The following LTBP4 variants were observed in gnomAD, a reference collection of about 807,000 sequenced individuals.
LTBP4 encodes the protein latent transforming growth factor beta binding protein 4.
Under a neutral mutation model 180.2 loss-of-function variants are expected in LTBP4, and 93 were observed. The ratio of observed to expected loss-of-function variants is 0.52; its 90% CI spans 0.44 to 0.61. The LOEUF (loss-of-function observed/expected upper bound fraction) is 0.61. Among genes scored for constraint, LTBP4 ranks in the 20% least tolerant of loss-of-function variants. LTBP4 has a pLI of 0.00. For synonymous variants in LTBP4, 947 were observed against 934.5 expected (o/e 1.01, Z -0.24); for missense variants, 2,116 against 2,256.5 (o/e 0.94, Z 1.26).
chr19:40,614,116 T>C, intron 18 of LTBP4, 78 bp downstream of exon 18: 2 of 1,577,908 alleles, frequency 1.3e-6, no homozygotes, highest in East Asian at 4.5e-5. Context: ...CCTCTGTCTT[T>C]CCTCCTCCGC....
rs769515386 is a variant in LTBP4, at chr19:40,608,591, A to G, written c.1414A>G (p.Ile472Val). The G allele has an allele frequency of 3.8e-6, 6 of 1,593,996 alleles. No individual in the cohort carries two copies. The Admixed American group carries it at 1.1e-4, about 28-fold the overall frequency. Residue 472 changes from isoleucine to valine, a missense_variant, in exon 9 of 30, where the codon ATT (isoleucine) becomes GTT (valine). Physicochemically the swap from Ile to Val is conservative, Grantham distance 29. This residue lies in a region of LTBP4 where 877 missense variants were observed against 873.6 expected (regional missense o/e 1.00). Transcript: ENST00000396819. ...CATCCCTGCCTGGACTGGTCCTGAGATTCCTGAATCAGGTTTGCTAGAAAG... is the reference window on the plus strand; with the variant it reads ...CATCCCTGCCTGGACTGGTCCTGAGGTTCCTGAATCAGGTTTGCTAGAAAG... ...PSIPAWTGPE[I>V]PESGPSSGMC...
At chr19:40,599,075 T>C (rs1331999578), upstream of LTBP4, 3 of 862,764 alleles carry the variant, frequency 3.5e-6, no homozygotes, top group Admixed American at 6.0e-5. Flanking sequence ...AAGAACCTCG[T>C]TAGTCATATA....
At chr19:40,593,235 A>C (rs2081375390) in intron 1 of LTBP4, 2 of 1,608,870 alleles carry the variant, frequency 1.2e-6, no homozygotes, top group Non-Finnish European at 1.7e-6. Flanking sequence ...CTCAAACCCT[A>C]ATTTTGTTTT....
Position 40,617,241 on chromosome 19 carries a change from A to C in LTBP4, c.3070+16A>C, listed in dbSNP as rs1202339631. 2 of 1,583,710 alleles carry C rather than the reference A, an allele frequency of 1.3e-6. No homozygotes were observed. The highest frequency in any genetic ancestry group is 1.7e-6 in the Non-Finnish European group (2 of 1,158,304). On this transcript the variant is annotated intron_variant, in intron 21 of 29. Transcript: ENST00000396819. The stretch of plus-strand genomic sequence containing the variant: ...CACTGCGTGGGTACGGGACTTCAGG[A>C]GGTGGATGGGACCAAAGGGGGTGGG...
chr19:40,620,853 G>A (rs1315088357), intron 22 of LTBP4, among the ~76,000 whole-genome samples: 1 of 151,654 alleles, frequency 6.6e-6, no homozygotes, highest in Non-Finnish European at 1.5e-5. Context: ...TACATGTGCA[G>A]GCTTTTTACC....
In LTBP4 at chr19:40,605,380, G is replaced by A. The variant is rs768763639; in HGVS notation, c.443-25G>A. 2 of 1,611,740 alleles carry A rather than the reference G, an allele frequency of 1.2e-6. No homozygotes were observed. Among genetic ancestry groups the A allele is most frequent in the African/African-American group, 1.3e-5 (1 of 75,006 alleles). The stretch of plus-strand genomic sequence containing the variant: ...CCCGTAAGAACCCGTGTAGACATCC[G>A]TTTGCCCGGCCGTGCCTCCCCTAGG... On this transcript the variant is annotated intron_variant, in intron 2 of 29. Transcript: ENST00000396819. The surrounding 1 kb of genome is among the most constrained non-coding windows in gnomAD (Gnocchi z 5.5).
At chr19:40,604,256 G>C (rs2081443172) in intron 1 of LTBP4, among the ~76,000 whole-genome samples, 1 of 152,032 alleles carries the variant, frequency 6.6e-6, no homozygotes, top group African/African-American at 2.4e-5. Flanking sequence ...GGTAATGTGA[G>C]AGGGGCTACA....
intron 7 of LTBP4, among the ~76,000 whole-genome samples, chr19:40,607,956 A>C (rs952578137): frequency 1.3e-5 from 2 of 152,012 alleles, no homozygotes; most frequent in African/African-American, 4.8e-5. Flanking sequence ...CTAGCCTCCA[A>C]CTCTGTCCCT....
At chr19:40,626,132 C>G (rs947589361) in intron 27 of LTBP4, 123 bp downstream of exon 27, 17 of 1,117,600 alleles carry the variant, frequency 1.5e-5, no homozygotes, top group Non-Finnish European at 1.8e-5. Context: ...AGACCAACCC[C>G]TATGTCGCAG....
At chr19:40,610,921 G>A (rs1228040647) in intron 12 of LTBP4, 3 of 717,856 alleles carry the variant, frequency 4.2e-6, no homozygotes, top group Admixed American at 5.9e-5. Flanking sequence ...GGTAAGGGGA[G>A]CAGAGTTATG....
Position 40,609,523 on chromosome 19 carries a change from C to T in LTBP4, c.1427-7C>T. On this transcript the variant is annotated splice_polypyrimidine_tract_variant and splice_region_variant and intron_variant, in intron 9 of 29. Coordinates refer to ENST00000396819, the MANE Select transcript of LTBP4 (RefSeq NM_001042545.2). The surrounding 1 kb of genome is among the most constrained non-coding windows in gnomAD (Gnocchi z 4.9). ...ATGGGGGAACCCTGGCTGACTGGAC[C>T]CCCCAGGTCCCTCCTCCGGCATGTG... 1 of 1,610,148 alleles carries T rather than the reference C, an allele frequency of 6.2e-7. No homozygotes were observed. Among genetic ancestry groups the T allele is most frequent in the Non-Finnish European group, 8.5e-7 (1 of 1,177,472 alleles).
intron 6 of LTBP4, 127 bp downstream of exon 6, chr19:40,606,653 G>A (rs1390066170): frequency 8.3e-7 from 1 of 1,201,652 alleles, no homozygotes; most frequent in African/African-American, 1.5e-5. Context: ...CAGCCTTAGA[G>A]CCCCCTCAGA....
Position 40,613,067 on chromosome 19 carries a change from G to A in LTBP4, c.2302G>A (p.Val768Met), listed in dbSNP as rs1273656188. Residue 768 changes from valine (V) to methionine (M), a missense_variant and splice_region_variant, in exon 16 of 30, where the codon GTG (valine) becomes ATG (methionine). Coordinates refer to ENST00000396819, the MANE Select transcript of LTBP4 (RefSeq NM_001042545.2). This position sits in a 1 kb window ranked among gnomAD's most constrained non-coding sequence, Gnocchi z 5.0. ...HHLHRGRCTD[V>M]DECSSGAPPC... is the part of the protein sequence containing the mutation. ...CTGAACACCCCCACCCCCCACAGAT[G>A]TGGACGAATGCAGTTCGGGTGCCCC... 6 of 1,611,898 alleles carry A rather than the reference G, an allele frequency of 3.7e-6. No individual in the cohort carries two copies. The highest frequency in any genetic ancestry group is 5.1e-6 in the Non-Finnish European group (6 of 1,179,042).
Position 40,616,653 on chromosome 19 carries a change from C to T in LTBP4, c.2813-236C>T, listed in dbSNP as rs12974270. 0.12 allele frequency among the ~76,000 whole-genome samples: 17,717 copies of T among 152,190 alleles called. 1,094 individuals are homozygous for T. The highest frequency in any genetic ancestry group is 0.2 in the South Asian group (954 of 4,824). On this transcript the variant is annotated intron_variant, in intron 19 of 29. Transcript: ENST00000396819. ...GAAGCTGAGGTAGAATTGCTTGAAC[C>T]TAGGAGGCAAAAGTTGCAGTGAGCT...
In LTBP4 at chr19:40,627,721, C is replaced by T. The variant is rs899500795; in HGVS notation, c.4383C>T (p.Pro1461=). The T allele has an allele frequency of 1.3e-6, 2 of 1,596,354 alleles. No homozygotes were observed. The highest frequency in any genetic ancestry group is 1.7e-6 in the Non-Finnish European group (2 of 1,172,874). ...GGSYAGSLAE[P]YEELEAEECG... ...TTCCCACAGGTTCCCTGGCTGAGCC[C>T]TACGAGGAGCTGGAGGCGGAGGAGT... The change falls in exon 29 of 30, where the codon CCC becomes CCT. Residue 1461 remains proline, a synonymous_variant. Transcript: ENST00000396819.
In LTBP4 at chr19:40,629,276, C is replaced by T. The variant is rs1385590679; in HGVS notation, c.4520-120C>T. 1.5e-6 allele frequency: 2 copies of T among 1,328,108 alleles called. No homozygotes were observed. The highest frequency in any genetic ancestry group is 2.4e-5 in the East Asian group (1 of 42,194). 82.3% of individuals were successfully genotyped at this position (1,328,108 alleles called of 1,614,324 possible). A position where few individuals can be genotyped will look rare whatever the true frequency, so the allele number is the denominator to read the frequency against. Reference sequence around the variant, plus strand: ...TCACACAGTTAGCAGATGGCAGAGGCCAGATTGGACTCCAAACTGCTCAGC... The same window carrying T: ...TCACACAGTTAGCAGATGGCAGAGGTCAGATTGGACTCCAAACTGCTCAGC... On this transcript the variant is annotated intron_variant, in intron 29 of 29. Coordinates refer to ENST00000396819, the MANE Select transcript of LTBP4 (RefSeq NM_001042545.2). The surrounding 1 kb of genome is among the most constrained non-coding windows in gnomAD (Gnocchi z 4.5).
chr19:40,614,493 T>C, intron 19 of LTBP4, 47 bp downstream of exon 19: 2 of 1,574,472 alleles, frequency 1.3e-6, no homozygotes, highest in Non-Finnish European at 1.7e-6. Flanking sequence ...AACGCGGTGC[T>C]GGAGGCTGCT....
At chr19:40,607,332 C>A in intron 6 of LTBP4, 33 bp from the exon 7 acceptor site, 1 of 1,594,724 alleles carries the variant, frequency 6.3e-7, no homozygotes, top group Non-Finnish European at 8.5e-7. Context: ...TTCCCAGCCC[C>A]GCCCTGAAGG....
At chr19:40,600,309 C>T (rs1245209478), upstream of LTBP4, 28 of 415,754 alleles carry the variant, frequency 6.7e-5, no homozygotes, top group Non-Finnish European at 8.0e-5. This position sits in a 1 kb window ranked among gnomAD's most constrained non-coding sequence, Gnocchi z 4.4. Context: ...CAGGACGAGG[C>T]CCCCTCTAGG....
Sources: gnomAD v4.1 joint callset for allele counts (sites outside exome capture counted in the v4.1 genomes callset) on GRCh38, gnomAD v4.1.1 for gene constraint, gnomAD v4.1.1 regional missense constraint, Gnocchi (gnomAD v3.1) non-coding constraint, MANE v1.5 for transcripts, NCBI Gene and HGNC (gene_info 2026-07-23, HGNC 2026-07-21) for gene names.